Variants in RREB1 observed in about 807,000 individuals in gnomAD.
RREB1 encodes ras-responsive element-binding protein 1.
RREB1 carries 27 observed loss-of-function variants against 117.8 expected under a neutral mutation model. The observed-to-expected ratio is 0.23, with a 90% CI of 0.17 to 0.32. The LOEUF is 0.32. Ranked by LOEUF, RREB1 falls within the 10% of genes least tolerant of loss-of-function variation. RREB1 has a pLI of 1.00. For missense variants in RREB1, 2,577 were observed against 2,378.2 expected (o/e 1.08, Z -1.74); for synonymous variants, 1,298 against 1,026.7 (o/e 1.26, Z -5.05).
intron 1 of RREB1, among the ~76,000 whole-genome samples, chr6:7,120,199 C>T (rs1581407880): frequency 1.3e-5 from 2 of 152,062 alleles, no homozygotes; most frequent in South Asian, 2.1e-4. Flanking sequence ...GCCTCTCATC[C>T]CAGCAGTTTG....
chr6:7,196,218 G>GT lies in RREB1; in HGVS notation c.425+6908dup, dbSNP rs58448175. On this transcript the variant is annotated intron_variant, in intron 6 of 12. Transcript: ENST00000379938. ...TCGTTGTTTTTTGGTTTTTTTTTTC[G>GT]TTTTTTTTTTTTGTTTTTTTTTTTT... Among the ~76,000 whole-genome samples, 1,088 of 121,372 alleles carry GT rather than the reference G, an allele frequency of 9.0e-3. 12 individuals are homozygous for GT. The highest frequency in any genetic ancestry group is 0.011 in the Non-Finnish European group (640 of 60,498). The allele number at this position is 121,372 out of a possible 152,430, so 79.6% of individuals were successfully genotyped here. A position where few individuals can be genotyped will look rare whatever the true frequency, so the allele number is the denominator to read the frequency against.
chr6:7,236,887 GT>G (rs869133214), intron 10 of RREB1, among the ~76,000 whole-genome samples: 1,928 of 63,304 alleles, frequency 0.03, 10 homozygotes, highest in East Asian at 0.13. Context: ...GTTTTTGGAG[GT>G]TTTTTTTTTT....
intron 1 of RREB1, among the ~76,000 whole-genome samples, chr6:7,137,775 C>CT (rs1206934569): frequency 6.6e-6 from 1 of 152,096 alleles, no homozygotes; most frequent in East Asian, 1.9e-4. Flanking sequence ...TCACGGCCGC[C>CT]TAGCTCCTCC....
chr6:7,149,249 G>C (rs958962054), intron 1 of RREB1, among the ~76,000 whole-genome samples: 1 of 152,090 alleles, frequency 6.6e-6, no homozygotes, highest in Non-Finnish European at 1.5e-5. Flanking sequence ...AATGTGAATT[G>C]TGCATATTTA....
At chr6:7,152,185 A>G (rs1581457189) in intron 1 of RREB1, among the ~76,000 whole-genome samples, 2 of 152,210 alleles carry the variant, frequency 1.3e-5, no homozygotes, top group Non-Finnish European at 1.5e-5. Context: ...ATCTAATTGC[A>G]CATTATTCCT....
At chr6:7,169,473 TGTTTAGGAAAA>T (rs1708334744) in intron 1 of RREB1, among the ~76,000 whole-genome samples, 1 of 152,086 alleles carries the variant, frequency 6.6e-6, no homozygotes, top group South Asian at 2.1e-4. Flanking sequence ...TGAAAAACAA[TGTTTAGGAAAA>T]GTCTGGCTTT....
intron 6 of RREB1, among the ~76,000 whole-genome samples, chr6:7,207,831 G>A (rs955097216): frequency 2.0e-5 from 3 of 152,244 alleles, no homozygotes; most frequent in Non-Finnish European, 4.4e-5. Context: ...ACGCAGATGA[G>A]AACATGGACT....
intron 8 of RREB1, among the ~76,000 whole-genome samples, chr6:7,221,166 CT>C (rs57490974): frequency 1.3e-3 from 190 of 144,842 alleles, no homozygotes; most frequent in Middle Eastern, 3.6e-3. Context: ...AAGTGTTTTT[CT>C]TTTTTTTTTT....
At position 7,230,990 on chromosome 6, in the gene RREB1, G is replaced by A; in HGVS notation, c.2891G>A (p.Gly964Glu). 1 of 1,614,132 alleles carries A rather than the reference G, an allele frequency of 6.2e-7. No individual in the cohort carries two copies. Among genetic ancestry groups the A allele is most frequent in the Non-Finnish European group, 8.5e-7 (1 of 1,180,010 alleles). Reference protein sequence around the residue: ...SEAKKPEEEAGSSEQPSPCPA... With the variant: ...SEAKKPEEEAESSEQPSPCPA... ...GCCAAGAAGCCTGAGGAGGAGGCGG[G>A]GAGCAGCGAGCAGCCCTCTCCCTGC... Residue 964 changes from glycine to glutamate, a missense_variant, in exon 10 of 13, where the codon GGG becomes GAG. By Grantham distance (98) the Gly-to-Glu change is moderately conservative. Coordinates refer to ENST00000379938, the MANE Select transcript of RREB1 (RefSeq NM_001003699.4).
intron 8 of RREB1, among the ~76,000 whole-genome samples, chr6:7,220,146 A>G (rs57340203): frequency 0.17 from 25,756 of 152,154 alleles, 2,687 homozygotes; most frequent in East Asian, 0.36. Flanking sequence ...CGTGTCATAC[A>G]GGGGGTGGGG....
At chr6:7,160,328 G>C (rs1554119220) in intron 1 of RREB1, among the ~76,000 whole-genome samples, 1 of 151,650 alleles carries the variant, frequency 6.6e-6, no homozygotes, top group Non-Finnish European at 1.5e-5. Context: ...ATTATGTTAA[G>C]TTTTTTTAAA....
chr6:7,112,621 A>C (rs1761200183), intron 1 of RREB1, among the ~76,000 whole-genome samples: 1 of 152,046 alleles, frequency 6.6e-6, no homozygotes, highest in East Asian at 1.9e-4. Flanking sequence ...ACCGTATGAA[A>C]CCCAGAGGGA....
chr6:7,220,447 G>GT (rs1767182323), intron 8 of RREB1, among the ~76,000 whole-genome samples: 1 of 152,030 alleles, frequency 6.6e-6, no homozygotes, highest in Non-Finnish European at 1.5e-5. Context: ...TAAAAGTAAT[G>GT]TAGTGTGATT....
intron 1 of RREB1, among the ~76,000 whole-genome samples, chr6:7,128,483 C>T (rs1410273110): frequency 6.6e-6 from 1 of 152,088 alleles, no homozygotes; most frequent in Non-Finnish European, 1.5e-5. Context: ...ATCTCAACAA[C>T]TTCATGAGGT....
intron 9 of RREB1, among the ~76,000 whole-genome samples, chr6:7,228,560 G>A (rs1767725784): frequency 7.2e-6 from 1 of 138,640 alleles, no homozygotes; most frequent in African/African-American, 2.8e-5. Flanking sequence ...CTAAAGTGCA[G>A]TGTGGCATAA....
intron 1 of RREB1, among the ~76,000 whole-genome samples, chr6:7,126,207 G>A (rs1156414781): frequency 1.3e-5 from 2 of 152,102 alleles, no homozygotes; most frequent in East Asian, 1.9e-4. Context: ...TCACTATGTT[G>A]GTCAGGCTGG....
chr6:7,171,651 A>G (rs1764214371), intron 1 of RREB1, among the ~76,000 whole-genome samples: 1 of 152,202 alleles, frequency 6.6e-6, no homozygotes, highest in Admixed American at 6.5e-5. Flanking sequence ...GAGACAGTGC[A>G]TGTGGCACAT....
chr6:7,142,220 T>A (rs1237689338), intron 1 of RREB1, among the ~76,000 whole-genome samples: 23 of 141,086 alleles, frequency 1.6e-4, no homozygotes, highest in South Asian at 6.8e-4. Flanking sequence ...CGTCTTAATT[T>A]AAAAAAAAAA....
intron 1 of RREB1, among the ~76,000 whole-genome samples, chr6:7,127,885 C>T (rs1762005382): frequency 6.6e-6 from 1 of 152,046 alleles, no homozygotes; most frequent in Admixed American, 6.6e-5. Context: ...TTGGATCCAC[C>T]CCCTTCACTG....
Sources: gnomAD v4.1 joint callset for allele counts (sites outside exome capture counted in the v4.1 genomes callset) on GRCh38, gnomAD v4.1.1 for gene constraint, MANE v1.5 for transcripts, NCBI Gene and HGNC (gene_info 2026-07-23, HGNC 2026-07-21) for gene names.